Variants in RASGRF1 observed in about 807,000 individuals in gnomAD.
The protein encoded by RASGRF1 is ras-specific guanine nucleotide-releasing factor 1.
RASGRF1 carries 40 observed loss-of-function variants against 138.7 expected under a neutral mutation model. The observed-to-expected ratio is 0.29, with a 90% CI of 0.22 to 0.38. The LOEUF (loss-of-function observed/expected upper bound fraction) is 0.38. Among genes scored for constraint, RASGRF1 ranks in the 10% least tolerant of loss-of-function variants. The pLI is 1.00. For synonymous variants in RASGRF1, 614 were observed against 663.2 expected (o/e 0.93, Z 1.14); for missense variants, 1,108 against 1,650.4 (o/e 0.67, Z 5.69).
chr15:79,054,232 T>C (rs896780201), intron 3 of RASGRF1, among the ~76,000 whole-genome samples: 2 of 152,060 alleles, frequency 1.3e-5, no homozygotes, highest in Admixed American at 6.6e-5. Context: ...AAGTGGCACG[T>C]GGGAGTGTGA....
chr15:79,042,344 C>T (rs1555459344), intron 5 of RASGRF1, among the ~76,000 whole-genome samples: 1 of 152,234 alleles, frequency 6.6e-6, no homozygotes, highest in Non-Finnish European at 1.5e-5. Context: ...AGCTTTCCAG[C>T]AAGTGAGCTA....
chr15:79,071,747 C>T (rs2057759070), intron 1 of RASGRF1, among the ~76,000 whole-genome samples: 1 of 152,130 alleles, frequency 6.6e-6, no homozygotes, highest in Non-Finnish European at 1.5e-5. Context: ...GGTCTTCCCT[C>T]CCCACTCTTC....
At chr15:79,087,214 C>A (rs1021360855) in intron 1 of RASGRF1, among the ~76,000 whole-genome samples, 1 of 152,222 alleles carries the variant, frequency 6.6e-6, no homozygotes, top group Non-Finnish European at 1.5e-5. Context: ...GAGGAGCTCA[C>A]CCTTATCTAT....
chr15:79,016,391 C>A (rs1213854394), intron 12 of RASGRF1, among the ~76,000 whole-genome samples: 1 of 152,256 alleles, frequency 6.6e-6, no homozygotes, highest in East Asian at 1.9e-4. Flanking sequence ...ATCTGACAAT[C>A]TCTCTAGCTT....
intron 22 of RASGRF1, among the ~76,000 whole-genome samples, chr15:78,987,714 CA>C (rs965918003): frequency 1.3e-5 from 2 of 151,396 alleles, no homozygotes; most frequent in African/African-American, 4.9e-5. Flanking sequence ...CAAAACAAAA[CA>C]AAAAAAACCA....
intron 22 of RASGRF1, among the ~76,000 whole-genome samples, chr15:78,988,010 C>T (rs574849824): frequency 4.6e-5 from 7 of 152,260 alleles, no homozygotes; most frequent in East Asian, 3.9e-4. Flanking sequence ...CAGGGAGAGA[C>T]GAGGAAAATC....
chr15:79,029,680 G>T (rs948987890), intron 8 of RASGRF1, among the ~76,000 whole-genome samples: 20 of 152,132 alleles, frequency 1.3e-4, no homozygotes, highest in African/African-American at 4.8e-4. Flanking sequence ...CGCAGCCTAG[G>T]AGGGGTTTGG....
At chr15:79,072,693 G>A (rs1031296307) in intron 1 of RASGRF1, among the ~76,000 whole-genome samples, 1 of 152,204 alleles carries the variant, frequency 6.6e-6, no homozygotes, top group Non-Finnish European at 1.5e-5. Flanking sequence ...TGGCTGACCT[G>A]AGTCACCTTT....
rs560223260 is a variant in RASGRF1 at position 79,049,306 on chromosome 15, A to G, written c.624+190T>C. Among the ~76,000 whole-genome samples, 4 of 152,184 alleles carry G rather than the reference A, an allele frequency of 2.6e-5. No homozygotes were observed. In the South Asian group the frequency reaches 8.3e-4, roughly 32 times the overall value. ...TGAAGCACTCTGCCCCATAGGGACA[A>G]CCAGAAGAAATGACTTGACAGGGTA... On this transcript the variant is annotated intron_variant, in intron 4 of 26. Coordinates refer to ENST00000558480, the MANE Select transcript of RASGRF1 (RefSeq NM_001145648.3).
intron 1 of RASGRF1, among the ~76,000 whole-genome samples, chr15:79,089,565 T>TAGCCCC (rs1331637500): frequency 6.6e-6 from 1 of 152,254 alleles, no homozygotes; most frequent in Non-Finnish European, 1.5e-5. Flanking sequence ...GCCCTGGCCC[T>TAGCCCC]AGCCCCGGCG....
intron 19 of RASGRF1, among the ~76,000 whole-genome samples, chr15:78,996,090 G>A (rs780549557): frequency 2.0e-5 from 3 of 152,186 alleles, no homozygotes; most frequent in Admixed American, 1.3e-4. Flanking sequence ...AGGGAGGGAC[G>A]GTGTCTGATT....
intron 14 of RASGRF1, chr15:79,004,936 G>C (rs761431321): frequency 2.4e-5 from 24 of 983,332 alleles, no homozygotes; most frequent in Non-Finnish European, 2.9e-5. Flanking sequence ...TCTCAGAAAG[G>C]TTAAGGGACT....
At chr15:79,055,965 G>A (rs1431041306) in intron 3 of RASGRF1, among the ~76,000 whole-genome samples, 1 of 152,148 alleles carries the variant, frequency 6.6e-6, no homozygotes, top group Non-Finnish European at 1.5e-5. Flanking sequence ...GTTCCTGCCA[G>A]GCCTGTTGGG....
In RASGRF1 at chr15:79,050,003, T is replaced by C. The variant is rs934278389; in HGVS notation, c.532-415A>G. ...TTGCTGTGATAAAACACATGTAACA[T>C]ATTAAAATTTACCATTTTAACAATT... is the stretch of plus-strand genomic sequence containing the variant. On this transcript the variant is annotated intron_variant, in intron 3 of 26. Coordinates refer to ENST00000558480, the MANE Select transcript of RASGRF1 (RefSeq NM_001145648.3). The surrounding 1 kb of genome is among the most constrained non-coding windows in gnomAD (Gnocchi z 4.1). Among the ~76,000 whole-genome samples the C allele has an allele frequency of 1.3e-5, 2 of 152,238 alleles. No individual in the cohort carries two copies. The highest frequency in any genetic ancestry group is 6.5e-5 in the Admixed American group (1 of 15,286).
intron 1 of RASGRF1, among the ~76,000 whole-genome samples, chr15:79,072,780 G>T (rs2057779657): frequency 1.3e-5 from 2 of 152,170 alleles, no homozygotes; most frequent in Non-Finnish European, 2.9e-5. Flanking sequence ...CTCCAAAGCT[G>T]CAGAGTAAAA....
chr15:78,984,029 TG>T (rs1316245913), intron 23 of RASGRF1, among the ~76,000 whole-genome samples: 1 of 152,130 alleles, frequency 6.6e-6, no homozygotes, highest in African/African-American at 2.4e-5. Context: ...GGGAGGATTA[TG>T]GACATGTCGT....
chr15:79,003,787 G>T lies in RASGRF1; in HGVS notation c.2449+15C>A. 2 of 1,571,294 alleles carry T rather than the reference G, an allele frequency of 1.3e-6. No individual in the cohort carries two copies. Among genetic ancestry groups the T allele is most frequent in the Non-Finnish European group, 8.6e-7 (1 of 1,157,772 alleles). Reference sequence around the variant, plus strand: ...TGGGAGGCTGGGGGGCAGCTCCGACGGCATGGCCACTCACTCTGCTTGCTG... The same window carrying T: ...TGGGAGGCTGGGGGGCAGCTCCGACTGCATGGCCACTCACTCTGCTTGCTG... On this transcript the variant is annotated intron_variant, in intron 15 of 26. Coordinates refer to ENST00000558480, the MANE Select transcript of RASGRF1 (RefSeq NM_001145648.3).
At chr15:79,082,466 A>G (rs1408758036) in intron 1 of RASGRF1, among the ~76,000 whole-genome samples, 1 of 152,244 alleles carries the variant, frequency 6.6e-6, no homozygotes, top group African/African-American at 2.4e-5. Context: ...TGCCAGCTGC[A>G]TGGGACATAA....
intron 23 of RASGRF1, among the ~76,000 whole-genome samples, chr15:78,982,912 G>A (rs1382517284): frequency 1.3e-5 from 2 of 152,112 alleles, no homozygotes; most frequent in Non-Finnish European, 2.9e-5. Flanking sequence ...AAGAGGATGG[G>A]GAGAGGGGTT....
Sources: gnomAD v4.1 joint callset for allele counts (sites outside exome capture counted in the v4.1 genomes callset) on GRCh38, gnomAD v4.1.1 for gene constraint, Gnocchi (gnomAD v3.1) non-coding constraint, MANE v1.5 for transcripts, NCBI Gene and HGNC (gene_info 2026-07-23, HGNC 2026-07-21) for gene names.